MIX23: variants seen among roughly 807,000 people sequenced by gnomAD.
MIX23 encodes the protein protein MIX23.
Under a neutral mutation model 21.6 loss-of-function variants are expected in MIX23, and 13 were observed. That is an observed-to-expected ratio of 0.60 (90% CI 0.39 to 0.96). The LOEUF (loss-of-function observed/expected upper bound fraction) is 0.96. Among genes scored for constraint, MIX23 ranks in the 40% least tolerant of loss-of-function variants. MIX23 has a pLI of 0.00. For missense variants in MIX23, 144 were observed against 171.2 expected (o/e 0.84, Z 0.89); for synonymous variants, 59 against 58.0 (o/e 1.02, Z -0.08).
At chr3:122,381,789 C>T (rs1300967013) in intron 1 of MIX23, among the ~76,000 whole-genome samples, 1 of 150,302 alleles carries the variant, frequency 6.7e-6, no homozygotes, top group Non-Finnish European at 1.5e-5. Context: ...CTTCCAGGTG[C>T]AGGCACAGAG....
Position 122,383,178 on chromosome 3 carries a change from A to G in MIX23, c.47T>C (p.Phe16Ser), listed in dbSNP as rs961171219. Residue 16 changes from phenylalanine (F) to serine (S), a missense_variant, in exon 1 of 5, where the codon TTC becomes TCC. By Grantham distance (155) the Phe-to-Ser change is radical. Transcript: ENST00000291458. ...ACATGAGGAAAACCCCATCACCTGG[A>G]ACTCGGCGAACTCCTCACAGTTCAC... is the stretch of plus-strand genomic sequence containing the variant. Reference protein sequence around the residue: ...GGVNCEEFAEFQELLKVMRTI... With the variant: ...GGVNCEEFAESQELLKVMRTI... 6.2e-7 allele frequency: 1 copy of G among 1,613,636 alleles called. No homozygotes were observed. The highest frequency in any genetic ancestry group is 1.7e-5 in the Admixed American group (1 of 60,010).
At chr3:122,379,156 G>A (rs773217477) in intron 1 of MIX23, among the ~76,000 whole-genome samples, 7 of 152,214 alleles carry the variant, frequency 4.6e-5, no homozygotes, top group Non-Finnish European at 8.8e-5. Context: ...AATGATTGGG[G>A]AAGGAAACAT....
At chr3:122,367,047 T>C (rs1204517307) in intron 3 of MIX23, among the ~76,000 whole-genome samples, 1 of 152,132 alleles carries the variant, frequency 6.6e-6, no homozygotes, top group East Asian at 1.9e-4. Context: ...GTACAATGTG[T>C]ATAACATAGT....
chr3:122,363,161 T>C lies in MIX23; in HGVS notation c.325-134A>G, dbSNP rs77848628. On this transcript the variant is annotated intron_variant, in intron 3 of 4. Coordinates refer to ENST00000291458, the MANE Select transcript of MIX23 (RefSeq NM_001017928.4). ...CTGCTACTGCTCTAGTATTTTTGTC[T>C]GTTAATGGCAGAGTTTGGAAGCTTC... 1,225 of 664,760 alleles carry C rather than the reference T, an allele frequency of 1.8e-3. 6 individuals are homozygous for C. The African/African-American group carries it at 0.021, about 11-fold the overall frequency. 41.2% of individuals were successfully genotyped at this position (664,760 alleles called of 1,614,324 possible). A position where few individuals can be genotyped will look rare whatever the true frequency, so the allele number is the denominator to read the frequency against.
chr3:122,381,243 T>C (rs190222174), intron 1 of MIX23, among the ~76,000 whole-genome samples: 23 of 152,276 alleles, frequency 1.5e-4, no homozygotes, highest in African/African-American at 5.3e-4. Flanking sequence ...CTCCATCCAC[T>C]GGGTTTCGCA....
At chr3:122,377,287 C>T (rs1467315153) in intron 1 of MIX23, among the ~76,000 whole-genome samples, 2 of 152,018 alleles carry the variant, frequency 1.3e-5, no homozygotes, top group African/African-American at 4.8e-5. Context: ...GTTTGAGATG[C>T]CTATTAGATA....
chr3:122,373,764 T>G (rs2075461443), intron 1 of MIX23, among the ~76,000 whole-genome samples: 1 of 152,222 alleles, frequency 6.6e-6, no homozygotes, highest in South Asian at 2.1e-4. Context: ...TTAATGGCCT[T>G]TTCTATACCT....
At chr3:122,371,357 T>C (rs190018417) in intron 2 of MIX23, among the ~76,000 whole-genome samples, 2 of 152,386 alleles carry the variant, frequency 1.3e-5, no homozygotes, top group East Asian at 3.8e-4. Flanking sequence ...CTTGCTCTTG[T>C]TACTGTTTTA....
chr3:122,359,898 T>A lies in MIX23; in HGVS notation c.406A>T (p.Ile136Phe), dbSNP rs1173175199. 1 of 1,513,022 alleles carries A rather than the reference T, an allele frequency of 6.6e-7. No homozygotes were observed. The highest frequency in any genetic ancestry group is 2.0e-5 in the Admixed American group (1 of 50,062). 93.7% of individuals were successfully genotyped at this position (1,513,022 alleles called of 1,614,324 possible). The stretch of plus-strand genomic sequence containing the variant: ...TCATTCTTTGGAGGCTTGAAGTGAA[T>A]TCGGCAGCGTTCATTAAACACCTAA... ...SWKVFNERCRIHFKPPKNE is the reference protein window; with the variant it reads ...SWKVFNERCRFHFKPPKNE The change falls in exon 5 of 5, where the codon ATT becomes TTT. Residue 136 changes from isoleucine (I) to phenylalanine (F), a missense_variant. Ile to Phe is a conservative substitution (Grantham distance 21). Coordinates refer to ENST00000291458, the MANE Select transcript of MIX23 (RefSeq NM_001017928.4).
At position 122,359,845 on chromosome 3, in the gene MIX23, AAAAAAAAAAAAAAG is replaced by A. The variant is rs1459556804; in HGVS notation, c.*10_*23del. On this transcript the variant is annotated 3_prime_UTR_variant, in exon 5 of 5. Transcript: ENST00000291458. ...ACCCAGTCCTTAAAAAAAAAAAAAA[AAAAAAAAAAAAAAG>A]AATCTCTCTTTATTCATTCTTTGGA... 6.8e-7 allele frequency: 1 copy of A among 1,461,592 alleles called. No individual in the cohort carries two copies. Among genetic ancestry groups the A allele is most frequent in the Non-Finnish European group, 9.0e-7 (1 of 1,112,476 alleles). 90.5% of individuals were successfully genotyped at this position (1,461,592 alleles called of 1,614,324 possible).
At chr3:122,369,743 T>G (rs1452688248) in intron 2 of MIX23, among the ~76,000 whole-genome samples, 1 of 152,146 alleles carries the variant, frequency 6.6e-6, no homozygotes, top group South Asian at 2.1e-4. Context: ...AAAAAAATGA[T>G]AGCAGTAGCA....
At chr3:122,376,349 T>C (rs1402096629) in intron 1 of MIX23, among the ~76,000 whole-genome samples, 1 of 152,036 alleles carries the variant, frequency 6.6e-6, no homozygotes, top group Non-Finnish European at 1.5e-5. Flanking sequence ...CCAGGCATGG[T>C]GGCTCACGTC....
intron 1 of MIX23, among the ~76,000 whole-genome samples, chr3:122,382,194 A>G (rs575684829): frequency 6.6e-6 from 1 of 152,352 alleles, no homozygotes; most frequent in East Asian, 1.9e-4. Context: ...TAAGAGTTGC[A>G]AAAATTTTAA....
At chr3:122,371,056 T>C (rs2075438054) in intron 2 of MIX23, among the ~76,000 whole-genome samples, 1 of 152,200 alleles carries the variant, frequency 6.6e-6, no homozygotes. Context: ...TCCAAATTAC[T>C]AAAAGAATAT....
At chr3:122,378,161 G>C (rs1414873798) in intron 1 of MIX23, among the ~76,000 whole-genome samples, 4 of 152,378 alleles carry the variant, frequency 2.6e-5, no homozygotes, top group East Asian at 1.9e-4. Context: ...AGAGGAACTA[G>C]AGTAGGTGTC....
chr3:122,376,798 T>C (rs1225246757), intron 1 of MIX23, among the ~76,000 whole-genome samples: 1 of 152,106 alleles, frequency 6.6e-6, no homozygotes, highest in Non-Finnish European at 1.5e-5. Context: ...AGAATAGACA[T>C]TGGGGACTCC....
intron 3 of MIX23, among the ~76,000 whole-genome samples, chr3:122,363,278 ATATCC>A (rs2075373185): frequency 6.6e-6 from 1 of 151,962 alleles, no homozygotes; most frequent in African/African-American, 2.4e-5. Flanking sequence ...TAAAAAAAAA[ATATCC>A]CAAGGCCAGT....
intron 1 of MIX23, among the ~76,000 whole-genome samples, chr3:122,379,029 G>A (rs1191974561): frequency 6.6e-6 from 1 of 152,088 alleles, no homozygotes; most frequent in Non-Finnish European, 1.5e-5. Context: ...AAAATATAAT[G>A]ACAACCCCTA....
chr3:122,377,039 C>T lies in MIX23; in HGVS notation c.52-5239G>A, dbSNP rs376817674. 7.9e-5 allele frequency among the ~76,000 whole-genome samples: 12 copies of T among 152,106 alleles called. 1 individual carries two copies. Among genetic ancestry groups the T allele is most frequent in the East Asian group, 3.9e-4 (2 of 5,156 alleles). On this transcript the variant is annotated intron_variant, in intron 1 of 4. Coordinates refer to ENST00000291458, the MANE Select transcript of MIX23 (RefSeq NM_001017928.4). ...TACCAAAAATACAAAAAATTAGCCG[C>T]GCATGGTGGCGCACACCTGTAGTCT...
Sources: allele counts gnomAD v4.1 joint callset (sites outside exome capture counted in the v4.1 genomes callset), GRCh38; gene constraint gnomAD v4.1.1; transcripts MANE v1.5; gene names NCBI Gene and HGNC (gene_info 2026-07-23, HGNC 2026-07-21).